HAUS6: variants seen among roughly 807,000 people sequenced by gnomAD.
The protein encoded by HAUS6 is HAUS augmin like complex subunit 6, also known as HAUS augmin-like complex subunit 6.
In HAUS6, 80 loss-of-function variants were observed where a neutral mutation model predicts 106.8. The ratio of observed to expected loss-of-function variants is 0.75; its 90% confidence interval spans 0.63 to 0.90. The LOEUF is 0.90. Ranked by LOEUF, HAUS6 falls within the 40% of genes least tolerant of loss-of-function variation. The pLI is 0.00. For synonymous variants in HAUS6, 356 were observed against 379.1 expected (o/e 0.94, Z 0.71); for missense variants, 1,155 against 1,118.1 (o/e 1.03, Z -0.47).
chr9:19,091,133 T>C (rs760206211), intron 4 of HAUS6, among the ~76,000 whole-genome samples: 6 of 151,854 alleles, frequency 4.0e-5, no homozygotes, highest in South Asian at 2.1e-4. Flanking sequence ...ACCCCATCTA[T>C]ACTAAAAATA....
intron 10 of HAUS6, among the ~76,000 whole-genome samples, chr9:19,077,891 T>C (rs1837045700): frequency 6.6e-6 from 1 of 151,996 alleles, no homozygotes; most frequent in Admixed American, 6.6e-5. Context: ...GGAGACCCTA[T>C]CTATAAAATT....
intron 12 of HAUS6, among the ~76,000 whole-genome samples, chr9:19,065,898 T>G (rs1836751644): frequency 6.6e-6 from 1 of 152,122 alleles, no homozygotes; most frequent in Admixed American, 6.6e-5. Flanking sequence ...TTAAAATTTG[T>G]ATTTAGATTG....
intron 12 of HAUS6, among the ~76,000 whole-genome samples, chr9:19,066,770 G>A (rs1836767862): frequency 7.2e-6 from 1 of 139,804 alleles, no homozygotes; most frequent in African/African-American, 2.8e-5. Flanking sequence ...GGGGTGGGAG[G>A]ATCACCTGAG....
At chr9:19,102,486 T>C (rs1441786977) in intron 1 of HAUS6, 38 bp downstream of exon 1, 1 of 1,605,350 alleles carries the variant, frequency 6.2e-7, no homozygotes, top group Non-Finnish European at 8.5e-7. Flanking sequence ...CGTCCCCCGG[T>C]TCAGGCTCCC....
rs536261253 is a variant in HAUS6 at position 19,074,901 on chromosome 9, A to C, written c.1294+1701T>G. Among the ~76,000 whole-genome samples, 25 of 152,194 alleles carry C rather than the reference A, an allele frequency of 1.6e-4. 1 individual carries two copies. In the South Asian group the frequency reaches 1.7e-3, roughly 10 times the overall value. On this transcript the variant is annotated intron_variant, in intron 11 of 16. Coordinates refer to ENST00000380502, the MANE Select transcript of HAUS6 (RefSeq NM_017645.5). ...AATTATTGTACTATTCTTTCATGTT[A>C]AAAAAAATTGTGAGCTTCCACAAAA...
At chr9:19,075,420 G>C (rs370069601) in intron 11 of HAUS6, among the ~76,000 whole-genome samples, 1 of 152,138 alleles carries the variant, frequency 6.6e-6, no homozygotes, top group Admixed American at 6.5e-5. Flanking sequence ...TTTAAAAATT[G>C]AACGCTGATA....
intron 1 of HAUS6, among the ~76,000 whole-genome samples, chr9:19,098,191 A>G (rs1255743944): frequency 6.6e-6 from 1 of 152,224 alleles, no homozygotes; most frequent in African/African-American, 2.4e-5. Flanking sequence ...CTGTAATCCC[A>G]GCATTTTGGG....
At chr9:19,079,494 G>C (rs150996905) in intron 9 of HAUS6, among the ~76,000 whole-genome samples, 36 of 151,788 alleles carry the variant, frequency 2.4e-4, no homozygotes, top group African/African-American at 8.7e-4. Context: ...GTCTCCCAAA[G>C]TGCTGGGATT....
chr9:19,063,265 G>A (rs1223463544), intron 13 of HAUS6, 72 bp from the exon 14 acceptor site: 6 of 961,476 alleles, frequency 6.2e-6, no homozygotes, highest in Non-Finnish European at 9.4e-6. Flanking sequence ...TTCATTAGCA[G>A]TTCACTGGTT....
intron 10 of HAUS6, among the ~76,000 whole-genome samples, chr9:19,077,664 A>G (rs1197818573): frequency 6.6e-6 from 1 of 152,228 alleles, no homozygotes; most frequent in Non-Finnish European, 1.5e-5. Context: ...AAACCATAAC[A>G]TAGAAACTTT....
intron 16 of HAUS6, 168 bp downstream of exon 16, chr9:19,057,793 G>A: frequency 1.9e-6 from 1 of 536,330 alleles, no homozygotes; most frequent in South Asian, 3.3e-5. Flanking sequence ...CATAAACAGA[G>A]ATTCTGAAAG....
At chr9:19,089,215 C>T (rs1267723863) in intron 5 of HAUS6, among the ~76,000 whole-genome samples, 197 bp downstream of exon 5, 1 of 151,864 alleles carries the variant, frequency 6.6e-6, no homozygotes, top group African/African-American at 2.4e-5. Context: ...TGCATTCCAG[C>T]CTAGGAGCCT....
chr9:19,097,953 T>C lies in HAUS6; in HGVS notation c.129-1184A>G, dbSNP rs150303809. On this transcript the variant is annotated intron_variant, in intron 1 of 16. Coordinates refer to ENST00000380502, the MANE Select transcript of HAUS6 (RefSeq NM_017645.5). ...TTGCGTAAGTTCCTATGCCTATCCA[T>C]TTGTCAAACAACACTTTTGTCCTTA... Among the ~76,000 whole-genome samples, 49 of 152,336 alleles carry C rather than the reference T, an allele frequency of 3.2e-4. No individual in the cohort carries two copies. In the East Asian group the frequency reaches 8.5e-3, roughly 26 times the overall value.
At chr9:19,090,186 TAA>T (rs1229342966) in intron 4 of HAUS6, among the ~76,000 whole-genome samples, 1 of 151,934 alleles carries the variant, frequency 6.6e-6, no homozygotes, top group Non-Finnish European at 1.5e-5. Context: ...GGCAGGCAAC[TAA>T]AAAAGATTTC....
At chr9:19,083,988 T>C (rs1837224794) in intron 7 of HAUS6, among the ~76,000 whole-genome samples, 1 of 147,428 alleles carries the variant, frequency 6.8e-6, no homozygotes, top group African/African-American at 2.5e-5. Flanking sequence ...CAGTGGCGCA[T>C]ACCTGTAATC....
chr9:19,100,839 G>A (rs376291827), intron 1 of HAUS6, among the ~76,000 whole-genome samples: 34 of 152,056 alleles, frequency 2.2e-4, no homozygotes, highest in Non-Finnish European at 3.4e-4. Context: ...AACCAGGCAC[G>A]GAAAGACAAA....
At chr9:19,075,728 C>A (rs572577419) in intron 11 of HAUS6, among the ~76,000 whole-genome samples, 1 of 151,064 alleles carries the variant, frequency 6.6e-6, no homozygotes, top group Non-Finnish European at 1.5e-5. Flanking sequence ...CCAAGGCGGG[C>A]GGATCATTCG....
intron 4 of HAUS6, among the ~76,000 whole-genome samples, chr9:19,092,745 A>G (rs1281026220): frequency 1.3e-5 from 2 of 151,592 alleles, no homozygotes; most frequent in Non-Finnish European, 2.9e-5. Context: ...CTAACATGGT[A>G]AAACTCCATT....
chr9:19,063,295 T>TTCA, intron 13 of HAUS6, 102 bp from the exon 14 acceptor site: 1 of 771,158 alleles, frequency 1.3e-6, no homozygotes, highest in Non-Finnish European at 2.1e-6. Flanking sequence ...CTATAAAAGG[T>TTCA]TGTTAATACT....
Sources: gnomAD v4.1 joint callset for allele counts (sites outside exome capture counted in the v4.1 genomes callset) on GRCh38, gnomAD v4.1.1 for gene constraint, MANE v1.5 for transcripts, NCBI Gene and HGNC (gene_info 2026-07-23, HGNC 2026-07-21) for gene names.